Variants in CTNNA3 observed in about 807,000 individuals in gnomAD.
The protein encoded by CTNNA3 is catenin alpha-3.
In CTNNA3, 76 loss-of-function variants were observed where a neutral mutation model predicts 95.7. That is an observed-to-expected ratio of 0.79 (90% CI 0.66 to 0.96). The LOEUF is 0.96. CTNNA3 is among the 40% of genes least tolerant of loss of function. The probability of loss-of-function intolerance (pLI) is 0.00; values close to 1 mark genes in which losing one functional copy is unlikely to be tolerated. For missense variants in CTNNA3, 1,191 were observed against 1,089.8 expected (o/e 1.09, Z -1.31); for synonymous variants, 431 against 374.4 (o/e 1.15, Z -1.74).
intron 7 of CTNNA3, among the ~76,000 whole-genome samples, chr10:67,103,478 A>G (rs1327788734): frequency 1.3e-5 from 2 of 151,810 alleles, no homozygotes; most frequent in South Asian, 4.1e-4. Flanking sequence ...GGAAGTGGGG[A>G]GAAAGGCAGG....
chr10:66,549,869 CTT>C, intron 10 of CTNNA3, among the ~76,000 whole-genome samples: 1 of 152,080 alleles, frequency 6.6e-6, no homozygotes, highest in East Asian at 1.9e-4. Context: ...TTTATTGAGA[CTT>C]ATTTATGGCC....
intron 8 of CTNNA3, among the ~76,000 whole-genome samples, chr10:66,770,055 A>T (rs1840027107): frequency 6.6e-6 from 1 of 152,164 alleles, no homozygotes; most frequent in Non-Finnish European, 1.5e-5. Context: ...CTCATTGCTA[A>T]TTATACTCTA....
intron 12 of CTNNA3, among the ~76,000 whole-genome samples, chr10:66,340,370 G>C (rs1465367102): frequency 2.6e-5 from 4 of 151,810 alleles, no homozygotes; most frequent in Non-Finnish European, 4.4e-5. Context: ...AGGAGACACA[G>C]CTAATCCCTT....
At chr10:66,173,298 A>G (rs2085527110) in intron 13 of CTNNA3, among the ~76,000 whole-genome samples, 1 of 152,212 alleles carries the variant, frequency 6.6e-6, no homozygotes, top group South Asian at 2.1e-4. Flanking sequence ...CCAGCAAACA[A>G]CACAGATATA....
chr10:66,379,668 TA>T (rs1489261788), intron 11 of CTNNA3, among the ~76,000 whole-genome samples: 2 of 152,146 alleles, frequency 1.3e-5, no homozygotes, highest in Non-Finnish European at 2.9e-5. Context: ...GTTTCTAGAT[TA>T]AAATGAAAAC....
chr10:67,149,093 AAAGTAAACGCCC>A (rs1860971438), intron 7 of CTNNA3, among the ~76,000 whole-genome samples: 1 of 152,192 alleles, frequency 6.6e-6, no homozygotes, highest in Non-Finnish European at 1.5e-5. Context: ...TATATTTTTC[AAAGTAAACGCCC>A]AACATAAAAT....
intron 5 of CTNNA3, among the ~76,000 whole-genome samples, chr10:67,228,255 T>G (rs993357446): frequency 9.9e-5 from 15 of 152,120 alleles, no homozygotes; most frequent in African/African-American, 3.1e-4. Context: ...TTTGAAAAGA[T>G]AAATAAAATT....
chr10:66,369,285 C>T (rs2092735171), intron 12 of CTNNA3, among the ~76,000 whole-genome samples: 1 of 152,112 alleles, frequency 6.6e-6, no homozygotes, highest in African/African-American at 2.4e-5. Flanking sequence ...CATGGCTTGG[C>T]ACACAGTGGA....
At chr10:66,799,257 C>G (rs1841334855) in intron 7 of CTNNA3, among the ~76,000 whole-genome samples, 1 of 151,334 alleles carries the variant, frequency 6.6e-6, no homozygotes, top group African/African-American at 2.4e-5. Flanking sequence ...CTAATAAAAA[C>G]TAAAATAGAC....
rs112685809 is a variant in CTNNA3 at position 66,358,690 on chromosome 10, A to G, written c.1732+20462T>C. Among the ~76,000 whole-genome samples the G allele has an allele frequency of 6.1e-3, 924 of 152,302 alleles. 9 individuals carry two copies. The highest frequency in any genetic ancestry group is 0.021 in the African/African-American group (874 of 41,570). On this transcript the variant is annotated intron_variant, in intron 12 of 17. Transcript: ENST00000433211. ...CTGAAACATTACAAGAACCTAAAGT[A>G]TCTTTGCAATCAAAAGAAGATTAAA...
chr10:66,415,234 A>C (rs1253227577), intron 11 of CTNNA3, among the ~76,000 whole-genome samples: 1 of 152,088 alleles, frequency 6.6e-6, no homozygotes, highest in Non-Finnish European at 1.5e-5. Flanking sequence ...ATGCCACAGC[A>C]TACAGTCCAG....
chr10:66,510,997 T>C (rs1447069812), intron 11 of CTNNA3, among the ~76,000 whole-genome samples: 1 of 151,918 alleles, frequency 6.6e-6, no homozygotes, highest in Non-Finnish European at 1.5e-5. Context: ...CTAGAATTCA[T>C]TAGTGAATCC....
intron 15 of CTNNA3, among the ~76,000 whole-genome samples, chr10:66,014,630 T>C (rs2079060431): frequency 6.6e-6 from 1 of 152,224 alleles, no homozygotes; most frequent in Admixed American, 6.5e-5. Context: ...ATGGACATGT[T>C]TTCCATGTTT....
chr10:66,715,925 T>TTTG (rs146862547), intron 9 of CTNNA3, among the ~76,000 whole-genome samples: 4,933 of 152,090 alleles, frequency 0.032, 212 homozygotes, highest in East Asian at 0.22. Context: ...TAAAATTATT[T>TTTG]TTTTCATAAT....
chr10:67,628,962 A>G (rs991484187), intron 2 of CTNNA3, among the ~76,000 whole-genome samples: 1 of 152,000 alleles, frequency 6.6e-6, no homozygotes. Context: ...CAACTCTGAA[A>G]CTGTATAAGT....
At chr10:67,545,779 T>C (rs994459815) in intron 3 of CTNNA3, among the ~76,000 whole-genome samples, 2 of 152,216 alleles carry the variant, frequency 1.3e-5, no homozygotes, top group African/African-American at 4.8e-5. Context: ...CGTTTGTGTG[T>C]GTACAACTAA....
chr10:66,157,530 GAT>G (rs2084604600), intron 13 of CTNNA3, among the ~76,000 whole-genome samples: 2 of 109,398 alleles, frequency 1.8e-5, no homozygotes, highest in East Asian at 5.4e-4. Flanking sequence ...TAGATAGATA[GAT>G]AGATAGATAA....
intron 11 of CTNNA3, among the ~76,000 whole-genome samples, chr10:66,391,316 GA>G (rs374121762): frequency 3.8e-4 from 58 of 151,474 alleles, no homozygotes; most frequent in African/African-American, 1.3e-3. Context: ...ACACACACAC[GA>G]AAAAAAAGAA....
At chr10:67,564,663 A>ATATGTGTGTG (rs1554854230) in intron 3 of CTNNA3, among the ~76,000 whole-genome samples, 20 of 95,484 alleles carry the variant, frequency 2.1e-4, no homozygotes, top group African/African-American at 1.0e-3. Flanking sequence ...ATATGCATAT[A>ATATGTGTGTG]TGTGTGTGTG....
Sources: gnomAD v4.1 joint callset for allele counts (sites outside exome capture counted in the v4.1 genomes callset) on GRCh38, gnomAD v4.1.1 for gene constraint, MANE v1.5 for transcripts, NCBI Gene and HGNC (gene_info 2026-07-23, HGNC 2026-07-21) for gene names.